CLSTN1: variants seen among roughly 807,000 people sequenced by gnomAD.
CLSTN1 encodes the protein calsyntenin 1.
CLSTN1 carries 28 observed loss-of-function variants against 108.3 expected under a neutral mutation model. That is an observed-to-expected ratio of 0.26 (90% confidence interval 0.19 to 0.35). CLSTN1 has a LOEUF of 0.35. CLSTN1 is among the 10% of genes least tolerant of loss of function. The probability of loss-of-function intolerance (pLI) is 1.00; values close to 1 mark genes in which losing one functional copy is unlikely to be tolerated. For missense variants in CLSTN1, 1,157 were observed against 1,302.6 expected, an observed-to-expected ratio of 0.89 and a Z score of 1.72; for synonymous variants, 524 against 534.9, an observed-to-expected ratio of 0.98 and a Z score of 0.28.
chr1:9,787,660 C>T (rs1653559606), intron 1 of CLSTN1, among the ~76,000 whole-genome samples: 2 of 151,130 alleles, frequency 1.3e-5, no homozygotes, highest in Non-Finnish European at 1.5e-5. Flanking sequence ...CCTTGGCCTC[C>T]CAAAGTGCTG....
intron 2 of CLSTN1, among the ~76,000 whole-genome samples, chr1:9,771,561 C>T (rs889904771): frequency 2.6e-5 from 4 of 152,060 alleles, no homozygotes; most frequent in African/African-American, 9.7e-5. Flanking sequence ...TTGCAGTGAG[C>T]TGAGATTGCA....
At position 9,744,064 on chromosome 1, in the gene CLSTN1, G is replaced by C. The variant is rs139052629; in HGVS notation, c.1235-59C>G. ...CTAAAGATCCAAAGGAGAAATTAAA[G>C]CTGTTTCTTGAATGGATTTTGAAGA... On this transcript the variant is annotated intron_variant, in intron 8 of 18. Transcript: ENST00000377298. The C allele has an allele frequency of 1.8e-4, 281 of 1,593,446 alleles. 1 individual carries two copies. The African/African-American group carries it at 3.3e-3, about 19-fold the overall frequency.
Position 9,731,696 on chromosome 1 carries a change from G to A in CLSTN1, c.2563+65C>T, listed in dbSNP as rs541461435. 2.2e-4 allele frequency: 333 copies of A among 1,512,738 alleles called. 1 individual carries two copies. The highest frequency in any genetic ancestry group is 2.2e-3 in the South Asian group (192 of 88,846). The allele number at this position is 1,512,738 out of a possible 1,614,324, so 93.7% of individuals were successfully genotyped here. A position where few individuals can be genotyped will look rare whatever the true frequency, so the allele number is the denominator to read the frequency against. On this transcript the variant is annotated intron_variant, in intron 17 of 18. Transcript: ENST00000377298. ...ATGCTGAGCAGGAGGCTGTGCCCAC[G>A]GTGGGGTGGGGGCAGGGCGGACGGC...
In CLSTN1 at chr1:9,743,867, G is replaced by A. The variant is rs771604564; in HGVS notation, c.1356+17C>T. Reference sequence around the variant, plus strand: ...GCACCTTGCCCGGCCCTATTAGTGCGTTTTCAATTCACTCACCTGATTCAA... The same window carrying A: ...GCACCTTGCCCGGCCCTATTAGTGCATTTTCAATTCACTCACCTGATTCAA... On this transcript the variant is annotated intron_variant, in intron 9 of 18. Transcript: ENST00000377298. 9.3e-6 allele frequency: 15 copies of A among 1,613,432 alleles called. No homozygotes were observed. The highest frequency in any genetic ancestry group is 1.1e-5 in the Non-Finnish European group (13 of 1,179,684).
chr1:9,813,498 C>CA (rs200184305), intron 1 of CLSTN1, among the ~76,000 whole-genome samples: 2,406 of 114,296 alleles, frequency 0.021, 38 homozygotes, highest in East Asian at 0.061. Context: ...GACTCTGTCT[C>CA]AAAAAAAAAA....
At chr1:9,731,993 CAG>C (rs1650427104) in intron 16 of CLSTN1, 97 bp from the exon 17 acceptor site, 9 of 1,470,962 alleles carry the variant, frequency 6.1e-6, no homozygotes, top group Non-Finnish European at 7.5e-6. Flanking sequence ...CAGTGCCACT[CAG>C]AGTGGCTCCT....
intron 1 of CLSTN1, among the ~76,000 whole-genome samples, chr1:9,815,708 G>A (rs1320642540): frequency 6.6e-6 from 1 of 152,210 alleles, no homozygotes; most frequent in East Asian, 1.9e-4. Context: ...GGCCAAAGCA[G>A]CTGGATCACT....
intron 1 of CLSTN1, among the ~76,000 whole-genome samples, chr1:9,806,406 G>A (rs1260980421): frequency 6.6e-5 from 10 of 152,158 alleles, no homozygotes; most frequent in Admixed American, 5.9e-4. Flanking sequence ...ACCCTAAAGG[G>A]TTAGGTTGGG....
chr1:9,789,623 C>T (rs1653671537), intron 1 of CLSTN1, among the ~76,000 whole-genome samples: 1 of 151,480 alleles, frequency 6.6e-6, no homozygotes. Flanking sequence ...CATCATACAT[C>T]TCTAAAAGAT....
chr1:9,802,392 T>G (rs1230982290), intron 1 of CLSTN1, among the ~76,000 whole-genome samples: 1 of 152,226 alleles, frequency 6.6e-6, no homozygotes, highest in Non-Finnish European at 1.5e-5. Context: ...AAAGCTCTTG[T>G]CAACTCTGCA....
In CLSTN1 at chr1:9,780,680, G is replaced by A. The variant is rs115163752; in HGVS notation, c.92-7286C>T. 5.5e-3 allele frequency: 838 copies of A among 152,532 alleles called. 11 individuals are homozygous for A. The highest frequency in any genetic ancestry group is 0.019 in the African/African-American group (809 of 41,558). 9.4% of individuals were successfully genotyped at this position (152,532 alleles called of 1,614,324 possible). On this transcript the variant is annotated intron_variant, in intron 1 of 18. Coordinates refer to ENST00000377298, the MANE Select transcript of CLSTN1 (RefSeq NM_001009566.3). ...AAAACATTTACAGAAACAAGTGACC[G>A]ATGTTTCTGTCATCATCACAAAAAA...
intron 9 of CLSTN1, among the ~76,000 whole-genome samples, chr1:9,743,566 G>A (rs927811632): frequency 6.6e-6 from 1 of 152,004 alleles, no homozygotes; most frequent in African/African-American, 2.4e-5. Context: ...TTTTTCTTTG[G>A]AGACGGGGTC....
At chr1:9,775,752 C>T (rs553934979) in intron 1 of CLSTN1, among the ~76,000 whole-genome samples, 1 of 152,190 alleles carries the variant, frequency 6.6e-6, no homozygotes, top group Admixed American at 6.5e-5. Context: ...TCCAAGTAGA[C>T]GGGGCCTACT....
chr1:9,791,920 G>A (rs141047549), intron 1 of CLSTN1, among the ~76,000 whole-genome samples: 13 of 151,270 alleles, frequency 8.6e-5, no homozygotes, highest in African/African-American at 2.9e-4. Flanking sequence ...AGGCTGAGGC[G>A]GGTCGATCAC....
intron 1 of CLSTN1, among the ~76,000 whole-genome samples, chr1:9,790,658 G>A (rs757625089): frequency 2.6e-5 from 4 of 151,350 alleles, no homozygotes; most frequent in Non-Finnish European, 5.9e-5. Context: ...TGTATACTCA[G>A]CATCAAATAT....
intron 4 of CLSTN1, among the ~76,000 whole-genome samples, chr1:9,754,623 A>G (rs2101115961): frequency 6.6e-6 from 1 of 152,242 alleles, no homozygotes; most frequent in East Asian, 1.9e-4. Context: ...TAGGAGGCCC[A>G]GGCAGGCGGA....
At chr1:9,792,141 G>A (rs115995936) in intron 1 of CLSTN1, among the ~76,000 whole-genome samples, 10 of 150,794 alleles carry the variant, frequency 6.6e-5, no homozygotes, top group Non-Finnish European at 5.9e-5. Flanking sequence ...GAGATCGGTC[G>A]TGCCACTGCA....
At chr1:9,735,218 T>C (rs1356977825) in intron 13 of CLSTN1, 44 bp from the exon 14 acceptor site, 17 of 1,597,198 alleles carry the variant, frequency 1.1e-5, no homozygotes, top group Non-Finnish European at 1.5e-5. Context: ...TGGGAGCCGA[T>C]CTTGGAGCCC....
intron 5 of CLSTN1, chr1:9,750,163 T>C: frequency 2.7e-6 from 1 of 376,102 alleles, no homozygotes; most frequent in Non-Finnish European, 4.8e-6. Context: ...CTCACAGTGT[T>C]ACATTGGGCT....
Sources: allele counts gnomAD v4.1 joint callset (sites outside exome capture counted in the v4.1 genomes callset), GRCh38; gene constraint gnomAD v4.1.1; transcripts MANE v1.5; gene names NCBI Gene and HGNC (gene_info 2026-07-23, HGNC 2026-07-21).